The following LAMA3 variants were observed in gnomAD, a reference collection of about 807,000 sequenced individuals.
LAMA3 encodes laminin subunit alpha-3.
Under a neutral mutation model 402.0 loss-of-function variants are expected in LAMA3, and 281 were observed. That is an observed-to-expected ratio of 0.70 (90% confidence interval 0.63 to 0.77). LAMA3 has a LOEUF of 0.77. LAMA3 is among the 30% of genes least tolerant of loss of function. LAMA3 has a pLI of 0.00. For synonymous variants in LAMA3, 1,431 were observed against 1,558.4 expected, an observed-to-expected ratio of 0.92 and a Z score of 1.93; for missense variants, 3,840 against 4,215.5, an observed-to-expected ratio of 0.91 and a Z score of 2.47.
At chr18:23,840,044 C>T in intron 27 of LAMA3, 115 bp downstream of exon 27, 1 of 1,143,958 alleles carries the variant, frequency 8.7e-7, no homozygotes, top group Non-Finnish European at 1.3e-6. Flanking sequence ...TACAGACCTA[C>T]TGAGTTGGAA....
intron 18 of LAMA3, among the ~76,000 whole-genome samples, chr18:23,817,386 G>A (rs1368418397): frequency 6.6e-6 from 1 of 152,146 alleles, no homozygotes; most frequent in Non-Finnish European, 1.5e-5. Context: ...TGTCGTGGAG[G>A]TAAATTGTAT....
intron 11 of LAMA3, among the ~76,000 whole-genome samples, chr18:23,778,612 G>T (rs186796765): frequency 6.6e-6 from 1 of 152,096 alleles, no homozygotes; most frequent in Non-Finnish European, 1.5e-5. Context: ...AGAAGGGCAC[G>T]CCTGCACCAA....
rs769252740 is a variant in LAMA3 at position 23,871,455 on chromosome 18, C to G, written c.4792C>G (p.Arg1598Gly). The G allele has an allele frequency of 3.7e-6, 6 of 1,613,932 alleles. No individual in the cohort carries two copies. The highest frequency in any genetic ancestry group is 2.2e-5 in the East Asian group (1 of 44,868). ...GGGAAACTTCAGACATGCCAGCAGC[C>G]GTGCCCCAGTGTCTAGGGAGGAGCT... ...VEGNFRHASSRAPVSREELMT... is the reference protein window; with the variant it reads ...VEGNFRHASSGAPVSREELMT... The change falls in exon 38 of 75, where the codon CGT becomes GGT. Residue 1598 changes from arginine to glycine, a missense_variant. Physicochemically the swap from Arg to Gly is moderately radical, Grantham distance 125. Transcript: ENST00000313654.
In LAMA3 at chr18:23,899,082, A is replaced by C. The variant is rs776740171; in HGVS notation, c.5836+17A>C. ...ATGTGCACAGTAAGAAGAGTTATTA[A>C]GCCCAATTACATTTTTTTTGGTTAC... On this transcript the variant is annotated intron_variant, in intron 46 of 74. Transcript: ENST00000313654. 2.5e-5 allele frequency: 40 copies of C among 1,589,732 alleles called. No homozygotes were observed. The highest frequency in any genetic ancestry group is 3.3e-5 in the Non-Finnish European group (38 of 1,158,464).
At chr18:23,790,369 C>A (rs1237094386) in intron 12 of LAMA3, among the ~76,000 whole-genome samples, 2 of 152,112 alleles carry the variant, frequency 1.3e-5, no homozygotes, top group African/African-American at 4.8e-5. Flanking sequence ...TTGCAAAGTT[C>A]TTGTTCATAG....
intron 62 of LAMA3, among the ~76,000 whole-genome samples, chr18:23,922,103 T>G (rs1324737368): frequency 6.6e-6 from 1 of 152,030 alleles, no homozygotes; most frequent in Non-Finnish European, 1.5e-5. Flanking sequence ...AACACATGAA[T>G]TAATTAATGT....
intron 10 of LAMA3, among the ~76,000 whole-genome samples, chr18:23,776,498 G>A (rs1392690289): frequency 6.6e-6 from 1 of 152,214 alleles, no homozygotes; most frequent in Non-Finnish European, 1.5e-5. Flanking sequence ...GGCTCTGTTT[G>A]TTGTGCAGCA....
intron 32 of LAMA3, among the ~76,000 whole-genome samples, chr18:23,854,438 G>A (rs1401719997): frequency 5.3e-5 from 8 of 152,118 alleles, no homozygotes; most frequent in South Asian, 2.1e-4. Flanking sequence ...TCAGGAGATC[G>A]AGACCATCCT....
chr18:23,897,002 G>A (rs1176177160), intron 44 of LAMA3, among the ~76,000 whole-genome samples: 2 of 151,954 alleles, frequency 1.3e-5, no homozygotes, highest in East Asian at 1.9e-4. Context: ...AGTTCACTTC[G>A]GATAAAATGA....
intron 70 of LAMA3, among the ~76,000 whole-genome samples, chr18:23,948,155 G>A (rs927866746): frequency 4.6e-5 from 7 of 152,068 alleles, no homozygotes; most frequent in South Asian, 2.1e-4. Flanking sequence ...GCAGGATTTG[G>A]GTATTCTTTG....
At chr18:23,845,363 C>T (rs984692901) in intron 30 of LAMA3, among the ~76,000 whole-genome samples, 9 of 152,228 alleles carry the variant, frequency 5.9e-5, no homozygotes, top group South Asian at 2.1e-4. Flanking sequence ...AACGGGGGTC[C>T]GTACCCCAAG....
At chr18:23,795,535 A>G (rs1254364317) in intron 12 of LAMA3, among the ~76,000 whole-genome samples, 5 of 152,228 alleles carry the variant, frequency 3.3e-5, no homozygotes, top group African/African-American at 1.2e-4. Context: ...TAAAATGAGT[A>G]CTAGATGAAA....
intron 13 of LAMA3, among the ~76,000 whole-genome samples, chr18:23,812,205 G>A (rs1028587759): frequency 1.3e-5 from 2 of 152,212 alleles, no homozygotes; most frequent in African/African-American, 4.8e-5. Context: ...AACCGGGCAT[G>A]GTGGTGCATG....
rs1379232911 is a variant in LAMA3 at position 23,894,322 on chromosome 18, A to G, written c.5435A>G (p.Asp1812Gly). ...TGDCINQEPK[D>G]SSPAEECDDC... is the part of the protein sequence containing the mutation. The stretch of plus-strand genomic sequence containing the variant: ...GACTGCATAAACCAAGAACCCAAAG[A>G]TAGCAGCCCTGCAGAAGAATGTGAT... Residue 1812 changes from aspartate (D) to glycine (G), a missense_variant, in exon 43 of 75, where the codon GAT becomes GGT. Transcript: ENST00000313654. 6.2e-7 allele frequency: 1 copy of G among 1,613,726 alleles called. No individual in the cohort carries two copies. The highest frequency in any genetic ancestry group is 1.7e-5 in the Admixed American group (1 of 60,030).
intron 6 of LAMA3, among the ~76,000 whole-genome samples, chr18:23,754,269 C>T (rs1315659006): frequency 2.0e-5 from 3 of 152,178 alleles, no homozygotes; most frequent in Non-Finnish European, 4.4e-5. Context: ...TGTTGTGCAA[C>T]CAATCTCCAG....
chr18:23,904,449 A>G (rs2081175215), intron 50 of LAMA3, 104 bp from the exon 51 acceptor site: 2 of 1,300,796 alleles, frequency 1.5e-6, no homozygotes, highest in Non-Finnish European at 2.1e-6. Context: ...CTTAAAAAAA[A>G]AAAAGAAAGA....
In LAMA3 at chr18:23,714,023, C is replaced by T. The variant is rs753783219; in HGVS notation, c.398C>T (p.Ser133Phe). Residue 133 changes from serine (S) to phenylalanine (F), a missense_variant, in exon 2 of 75, where the codon TCC becomes TTC. By Grantham distance (155) the Ser-to-Phe change is radical. Around this residue, in one of 3 missense-constraint regions of LAMA3, gnomAD observed 2,109 missense variants for 2,376.0 expected, o/e 0.89. Coordinates refer to ENST00000313654, the MANE Select transcript of LAMA3 (RefSeq NM_198129.4). ...CGTTGGTGGCAAAGCCCTCCCCTGT[C>T]CTCAGGCACACAGTACAACAGAGTC... ...SERWWQSPPL[S>F]SGTQYNRVNL... 6.2e-7 allele frequency: 1 copy of T among 1,613,942 alleles called. No homozygotes were observed. The highest frequency in any genetic ancestry group is 1.1e-5 in the South Asian group (1 of 91,070).
At chr18:23,776,904 G>A (rs942946117) in intron 10 of LAMA3, among the ~76,000 whole-genome samples, 3 of 149,492 alleles carry the variant, frequency 2.0e-5, no homozygotes, top group African/African-American at 5.0e-5. Context: ...GCAATGGTGC[G>A]ATCTTGGCTC....
intron 9 of LAMA3, among the ~76,000 whole-genome samples, chr18:23,773,911 C>A (rs965990895): frequency 1.1e-4 from 17 of 152,152 alleles, no homozygotes; most frequent in Admixed American, 4.6e-4. Context: ...TGACATGTTT[C>A]TATGATCTCT....
Sources: gnomAD v4.1 joint callset for allele counts (sites outside exome capture counted in the v4.1 genomes callset) on GRCh38, gnomAD v4.1.1 for gene constraint, gnomAD v4.1.1 regional missense constraint, MANE v1.5 for transcripts, NCBI Gene and HGNC (gene_info 2026-07-23, HGNC 2026-07-21) for gene names.